The following ATP10B variants were observed in gnomAD, a reference collection of about 807,000 sequenced individuals.
The protein encoded by ATP10B is phospholipid-transporting ATPase VB.
Under a neutral mutation model 141.2 loss-of-function variants are expected in ATP10B, and 122 were observed. That is an observed-to-expected ratio of 0.86 (90% CI 0.75 to 1.00). The LOEUF (loss-of-function observed/expected upper bound fraction) is 1.00, where lower values mean the gene tolerates loss of function less well. ATP10B is among the 50% of genes least tolerant of loss of function. The pLI, the probability that ATP10B is intolerant of heterozygous loss-of-function variation, is 0.00. For synonymous variants in ATP10B, 685 were observed against 692.0 expected (o/e 0.99, Z 0.16); for missense variants, 1,876 against 1,825.3 (o/e 1.03, Z -0.51).
the ATP10B span, among the ~76,000 whole-genome samples, chr5:160,909,362 T>C: frequency 1.3e-5 from 2 of 152,130 alleles, no homozygotes; most frequent in Admixed American, 1.3e-4. Context: ...ACACAGATAC[T>C]GTGGCTAGAG....
intron 3 of ATP10B, among the ~76,000 whole-genome samples, chr5:160,695,712 T>C (rs1449060718): frequency 6.6e-6 from 1 of 152,110 alleles, no homozygotes; most frequent in Non-Finnish European, 1.5e-5. Flanking sequence ...TATCAGTGGG[T>C]TAGGACTATG....
the ATP10B span, among the ~76,000 whole-genome samples, chr5:160,900,808 T>C: frequency 1.3e-5 from 2 of 151,810 alleles, no homozygotes; most frequent in African/African-American, 4.8e-5. Flanking sequence ...TTTTTATTTG[T>C]GGTTTAAAAA....
rs1272969466 is a variant in ATP10B, at chr5:160,653,647, T to TA, written c.676-4392_676-4391insT. Among the ~76,000 whole-genome samples, 204 of 52,414 alleles carry TA rather than the reference T, an allele frequency of 3.9e-3. 4 individuals carry two copies. The highest frequency in any genetic ancestry group is 5.7e-3 in the African/African-American group (77 of 13,536). 34.4% of individuals were successfully genotyped at this position (52,414 alleles called of 152,430 possible). ...TTATATATACATATATACATATATA[T>TA]TATATATACATATATACATATATAT... is the stretch of plus-strand genomic sequence containing the variant. On this transcript the variant is annotated intron_variant, in intron 7 of 25. Coordinates refer to ENST00000327245, the MANE Select transcript of ATP10B (RefSeq NM_025153.3).
intron 2 of ATP10B, among the ~76,000 whole-genome samples, chr5:160,751,521 T>C (rs1768148449): frequency 6.6e-6 from 1 of 152,074 alleles, no homozygotes; most frequent in South Asian, 2.1e-4. Flanking sequence ...AGCATATCTC[T>C]TCCTATAACT....
intron 1 of ATP10B, among the ~76,000 whole-genome samples, chr5:160,814,983 A>C (rs918009915): frequency 6.6e-6 from 1 of 152,208 alleles, no homozygotes; most frequent in Non-Finnish European, 1.5e-5. Flanking sequence ...CTCCTGAAGG[A>C]AGCACTAAAC....
chr5:160,622,972 C>T (rs1758435145), intron 13 of ATP10B, among the ~76,000 whole-genome samples: 1 of 152,190 alleles, frequency 6.6e-6, no homozygotes, highest in Admixed American at 6.5e-5. Flanking sequence ...AACTCCATTT[C>T]CTCCTGGCAT....
chr5:160,675,415 T>C (rs948010905), intron 6 of ATP10B, among the ~76,000 whole-genome samples: 3 of 152,090 alleles, frequency 2.0e-5, no homozygotes, highest in Non-Finnish European at 4.4e-5. Flanking sequence ...AAGAGGTAAA[T>C]AAACAGCAAG....
At chr5:160,777,038 C>T (rs1213645235) in intron 2 of ATP10B, among the ~76,000 whole-genome samples, 2 of 152,134 alleles carry the variant, frequency 1.3e-5, no homozygotes, top group Admixed American at 6.5e-5. Flanking sequence ...GACCCTGCCT[C>T]CCTGATGTGA....
chr5:160,670,559 G>T lies in ATP10B; in HGVS notation c.579C>A (p.Ser193=), dbSNP rs771793126. The T allele has an allele frequency of 6.2e-7, 1 of 1,613,856 alleles. No homozygotes were observed. Among genetic ancestry groups the T allele is most frequent in the South Asian group, 1.1e-5 (1 of 91,072 alleles). ...GATGGCATATCCCATTGGGGTCAGA[G>T]GAAAAAAGGAGGAGTATGTCTGCTG... ...IVPADILLLF[S]SDPNGICHLE... The change falls in exon 7 of 26, where the codon TCC becomes TCA. Residue 193 remains serine (S), a synonymous_variant. Transcript: ENST00000327245.
chr5:160,598,703 T>C (rs1756901490), intron 22 of ATP10B, 67 bp downstream of exon 22: 1 of 1,475,950 alleles, frequency 6.8e-7, no homozygotes. Context: ...CTCTGATGCC[T>C]CCAGAGGGGA....
the ATP10B span, among the ~76,000 whole-genome samples, chr5:160,869,949 G>A: frequency 6.6e-6 from 1 of 152,060 alleles, no homozygotes; most frequent in African/African-American, 2.4e-5. Context: ...CAGGGGAGGG[G>A]AAAATGAACC....
At chr5:160,883,415 T>G in the ATP10B span, among the ~76,000 whole-genome samples, 1 of 152,108 alleles carries the variant, frequency 6.6e-6, no homozygotes, top group African/African-American at 2.4e-5. Flanking sequence ...CAGGGTAGAA[T>G]ATGAGTTTTA....
intron 16 of ATP10B, among the ~76,000 whole-genome samples, chr5:160,616,424 T>C (rs1266807516): frequency 6.6e-6 from 1 of 152,144 alleles, no homozygotes; most frequent in East Asian, 1.9e-4. Flanking sequence ...AGAGGGTCAA[T>C]CATGGGCAAG....
the ATP10B span, among the ~76,000 whole-genome samples, chr5:160,912,440 A>AAAAG: frequency 1.0e-4 from 14 of 134,742 alleles, no homozygotes; most frequent in African/African-American, 2.9e-4. Flanking sequence ...AAAAAAAAAA[A>AAAAG]AGAGAAAACT....
At chr5:160,730,914 T>C (rs998466122) in intron 2 of ATP10B, among the ~76,000 whole-genome samples, 1 of 152,182 alleles carries the variant, frequency 6.6e-6, no homozygotes, top group Non-Finnish European at 1.5e-5. Context: ...ACCTTGAGCC[T>C]CTGCTGCTGA....
intron 1 of ATP10B, among the ~76,000 whole-genome samples, chr5:160,810,017 G>T (rs1039422841): frequency 6.6e-6 from 1 of 152,154 alleles, no homozygotes; most frequent in African/African-American, 2.4e-5. Context: ...TTGACCTGAA[G>T]TTGTACATAA....
At chr5:160,818,366 A>T (rs563875689) in intron 1 of ATP10B, among the ~76,000 whole-genome samples, 3 of 152,260 alleles carry the variant, frequency 2.0e-5, no homozygotes, top group Non-Finnish European at 2.9e-5. Context: ...TCTCAAAAGA[A>T]GACATTGATG....
the ATP10B span, among the ~76,000 whole-genome samples, chr5:160,858,740 T>C: frequency 6.6e-6 from 1 of 151,992 alleles, no homozygotes; most frequent in Non-Finnish European, 1.5e-5. Context: ...AGTATATCTC[T>C]TTGTATAGCT....
chr5:160,661,170 G>C (rs1761884886), intron 7 of ATP10B, among the ~76,000 whole-genome samples: 1 of 151,788 alleles, frequency 6.6e-6, no homozygotes, highest in Non-Finnish European at 1.5e-5. Context: ...TGGGCAACAA[G>C]AGTGAAACTC....
Sources: gnomAD v4.1 joint callset for allele counts (sites outside exome capture counted in the v4.1 genomes callset) on GRCh38, gnomAD v4.1.1 for gene constraint, MANE v1.5 for transcripts, NCBI Gene and HGNC (gene_info 2026-07-23, HGNC 2026-07-21) for gene names.